Variants in KIF26B observed in about 807,000 individuals in gnomAD.
KIF26B encodes the protein kinesin-like protein KIF26B.
KIF26B carries 63 observed loss-of-function variants against 151.2 expected under a neutral mutation model. That is an observed-to-expected ratio of 0.42 (90% CI 0.34 to 0.51). KIF26B has a LOEUF of 0.51. Among genes scored for constraint, KIF26B ranks in the 20% least tolerant of loss-of-function variants. KIF26B has a pLI of 0.07. For synonymous variants in KIF26B, 1,357 were observed against 1,262.1 expected, an observed-to-expected ratio of 1.08 and a Z score of -1.59; for missense variants, 2,813 against 2,913.6, an observed-to-expected ratio of 0.97 and a Z score of 0.79.
chr1:245,538,666 G>A (rs1661536569), intron 4 of KIF26B, among the ~76,000 whole-genome samples: 1 of 152,164 alleles, frequency 6.6e-6, no homozygotes, highest in Admixed American at 6.5e-5. Flanking sequence ...AGGTAGGGGA[G>A]TGGGAACCAT....
chr1:245,605,842 G>A (rs1308115098), intron 6 of KIF26B, among the ~76,000 whole-genome samples: 1 of 152,186 alleles, frequency 6.6e-6, no homozygotes, highest in Non-Finnish European at 1.5e-5. Context: ...CTGCACAGCA[G>A]GTCTCCTCTC....
intron 3 of KIF26B, among the ~76,000 whole-genome samples, chr1:245,370,029 A>T (rs1673074392): frequency 6.6e-6 from 1 of 152,200 alleles, no homozygotes; most frequent in Non-Finnish European, 1.5e-5. Flanking sequence ...ACCATTTAGA[A>T]AATTATCAAA....
At chr1:245,236,239 A>G (rs1670108807) in intron 2 of KIF26B, among the ~76,000 whole-genome samples, 1 of 152,100 alleles carries the variant, frequency 6.6e-6, no homozygotes, top group Non-Finnish European at 1.5e-5. Context: ...CTTATGTTTT[A>G]ATGACCAAGG....
rs1485573573 is a variant in KIF26B, at chr1:245,685,701, A to G, written c.2718A>G (p.Ala906=). The G allele has an allele frequency of 4.3e-6, 7 of 1,612,080 alleles. No homozygotes were observed. The highest frequency in any genetic ancestry group is 5.9e-6 in the Non-Finnish European group (7 of 1,179,732). Residue 906 remains alanine, a synonymous_variant, in exon 12 of 15, where the codon GCA becomes GCG. Coordinates refer to ENST00000407071, the MANE Select transcript of KIF26B (RefSeq NM_018012.4). ...AGACCCGGGGCGACAGCCGGCCCGC[A>G]GAGGCAGGAGAGGCTGCAGCCGGCA... is the stretch of plus-strand genomic sequence containing the variant. The part of the protein sequence containing the change: ...LQKTRGDSRP[A]EAGEAAAGKS...
intron 2 of KIF26B, among the ~76,000 whole-genome samples, chr1:245,262,088 T>G (rs1276698375): frequency 6.6e-6 from 1 of 152,190 alleles, no homozygotes; most frequent in Non-Finnish European, 1.5e-5. Flanking sequence ...CTGATTCCCA[T>G]GCTGACACAC....
At chr1:245,181,572 T>G (rs767286624) in intron 2 of KIF26B, among the ~76,000 whole-genome samples, 2 of 148,954 alleles carry the variant, frequency 1.3e-5, no homozygotes, top group Non-Finnish European at 3.0e-5. Flanking sequence ...CAGGCAAAAA[T>G]AAACATGGCT....
At chr1:245,655,833 G>A (rs934921110) in intron 10 of KIF26B, among the ~76,000 whole-genome samples, 7 of 152,142 alleles carry the variant, frequency 4.6e-5, no homozygotes, top group South Asian at 2.1e-4. Context: ...AATGGTTTTC[G>A]TTCAGAGATT....
rs188175978 is a variant in KIF26B, at chr1:245,569,350, G to A, written c.1350+28400G>A. 1.1e-3 allele frequency among the ~76,000 whole-genome samples: 166 copies of A among 152,310 alleles called. 1 individual carries two copies. Among genetic ancestry groups the A allele is most frequent in the Non-Finnish European group, 8.8e-4 (60 of 68,026 alleles). On this transcript the variant is annotated intron_variant, in intron 5 of 14. Coordinates refer to ENST00000407071, the MANE Select transcript of KIF26B (RefSeq NM_018012.4). ...AAGAAGCCTTTGATTGGATGGACAT[G>A]TAATCCCAGCACTTTGGGAGGCTGA...
chr1:245,344,494 CAAAAAAAAAA>C (rs57007301), intron 2 of KIF26B, among the ~76,000 whole-genome samples: 5 of 39,982 alleles, frequency 1.3e-4, no homozygotes, highest in East Asian at 3.9e-4. Flanking sequence ...GACTCCGTCT[CAAAAAAAAAA>C]AAAAAAAAAA....
intron 9 of KIF26B, among the ~76,000 whole-genome samples, chr1:245,614,208 TCTGTTGCCCAGG>T: frequency 6.6e-6 from 1 of 152,318 alleles, no homozygotes; most frequent in South Asian, 2.1e-4. Flanking sequence ...TCTCACTCAC[TCTGTTGCCCAGG>T]CTGGAGTACA....
chr1:245,496,249 A>G (rs1456012259), intron 4 of KIF26B, among the ~76,000 whole-genome samples: 1 of 152,184 alleles, frequency 6.6e-6, no homozygotes, highest in Non-Finnish European at 1.5e-5. Context: ...CACATGCAGA[A>G]ATGTGGAAAA....
chr1:245,702,468 G>A lies in KIF26B; in HGVS notation c.6189G>A (p.Glu2063=). 6.2e-7 allele frequency: 1 copy of A among 1,613,960 alleles called. No individual in the cohort carries two copies. The highest frequency in any genetic ancestry group is 8.5e-7 in the Non-Finnish European group (1 of 1,179,876). Residue 2063 remains glutamate (E), a synonymous_variant, in exon 15 of 15, where the codon GAG becomes GAA. Coordinates refer to ENST00000407071, the MANE Select transcript of KIF26B (RefSeq NM_018012.4). This position sits in a 1 kb window ranked among gnomAD's most constrained non-coding sequence, Gnocchi z 4.1. The stretch of plus-strand genomic sequence containing the variant: ...CTTCCTCTCTTGCAGTTGACTTGGA[G>A]CAGGTTTGGGAGCTGGATTCCCTGG... ...PNKWLSEFDL[E]QVWELDSLEY...
intron 2 of KIF26B, among the ~76,000 whole-genome samples, chr1:245,326,170 T>A (rs1045896745): frequency 6.6e-6 from 1 of 152,196 alleles, no homozygotes; most frequent in Non-Finnish European, 1.5e-5. Flanking sequence ...CTGAGCACCG[T>A]TGCAGTCAAT....
chr1:245,431,214 C>G (rs1027539074), intron 4 of KIF26B, among the ~76,000 whole-genome samples: 2 of 151,968 alleles, frequency 1.3e-5, no homozygotes, highest in African/African-American at 4.8e-5. Flanking sequence ...AGTCTCGCTC[C>G]GTCGCCCAGG....
Position 245,685,825 on chromosome 1 carries a change from G to C in KIF26B, c.2842G>C (p.Glu948Gln), listed in dbSNP as rs766437205. 6.2e-7 allele frequency: 1 copy of C among 1,611,060 alleles called. No homozygotes were observed. Among genetic ancestry groups the C allele is most frequent in the East Asian group, 2.2e-5 (1 of 44,798 alleles). Reference protein sequence around the residue: ...GSEEPSSFPFEELPAQFGPEQ... With the variant: ...GSEEPSSFPFQELPAQFGPEQ... Reference sequence around the variant, plus strand: ...CGAGGAGCCCAGCAGCTTTCCTTTCGAAGAACTGCCTGCTCAGTTTGGGCC... The same window carrying C: ...CGAGGAGCCCAGCAGCTTTCCTTTCCAAGAACTGCCTGCTCAGTTTGGGCC... The change falls in exon 12 of 15, where the codon GAA becomes CAA. Residue 948 changes from glutamate (E) to glutamine (Q), a missense_variant. Glu to Gln is a conservative substitution (Grantham distance 29, BLOSUM62 2). This residue lies in a region of KIF26B where 2,060 missense variants were observed against 2,088.6 expected (regional missense o/e 0.99). Transcript: ENST00000407071.
At chr1:245,251,889 A>G (rs1670451211) in intron 2 of KIF26B, among the ~76,000 whole-genome samples, 1 of 152,134 alleles carries the variant, frequency 6.6e-6, no homozygotes, top group South Asian at 2.1e-4. Context: ...ATATATGGTT[A>G]ATATATATTA....
intron 9 of KIF26B, among the ~76,000 whole-genome samples, chr1:245,630,724 A>T (rs916210509): frequency 2.0e-5 from 3 of 152,180 alleles, no homozygotes; most frequent in Non-Finnish European, 1.5e-5. Flanking sequence ...GGTTCTGCAC[A>T]TGTATCCCAG....
intron 10 of KIF26B, among the ~76,000 whole-genome samples, chr1:245,660,767 A>G (rs2044127858): frequency 6.6e-6 from 1 of 152,118 alleles, no homozygotes; most frequent in Non-Finnish European, 1.5e-5. Flanking sequence ...AGTTCTGGTA[A>G]TGACAGGTAT....
rs536650683 is a variant in KIF26B, at chr1:245,686,814, C to T, written c.3831C>T (p.Ser1277=). The stretch of plus-strand genomic sequence containing the variant: ...AGGACGCAGGGAGCAGACGCTCTTC[C>T]ATCAGCTCCTGGCTGAGCGAGATGA... ...KAQDAGSRRS[S]ISSWLSEMSA... is the part of the protein sequence containing the mutation. Residue 1277 remains serine, a synonymous_variant, in exon 12 of 15, where the codon TCC becomes TCT. Transcript: ENST00000407071. This position sits in a 1 kb window ranked among gnomAD's most constrained non-coding sequence, Gnocchi z 5.6. 1.9e-5 allele frequency: 30 copies of T among 1,613,578 alleles called. No individual in the cohort carries two copies. The African/African-American group carries it at 2.9e-4, about 16-fold the overall frequency.
Sources: allele counts gnomAD v4.1 joint callset (sites outside exome capture counted in the v4.1 genomes callset), GRCh38; gene constraint gnomAD v4.1.1; regional missense constraint gnomAD v4.1.1; non-coding constraint Gnocchi (gnomAD v3.1); transcripts MANE v1.5; gene names NCBI Gene and HGNC (gene_info 2026-07-23, HGNC 2026-07-21).